Variants in PLA2G4F observed in about 807,000 individuals in gnomAD.
PLA2G4F encodes the protein phospholipase A2 group IVF.
In PLA2G4F, 105 loss-of-function variants were observed where a neutral mutation model predicts 103.1. The observed-to-expected ratio is 1.02, with a 90% CI of 0.87 to 1.20. The LOEUF (loss-of-function observed/expected upper bound fraction) is 1.20, where lower values mean the gene tolerates loss of function less well. Ranked by LOEUF, PLA2G4F falls within the 50% of genes most tolerant of loss-of-function variation. The pLI is 0.00. For synonymous variants in PLA2G4F, 468 were observed against 441.1 expected (o/e 1.06, Z -0.76); for missense variants, 1,155 against 1,075.9 (o/e 1.07, Z -1.03).
chr15:42,153,696 G>T (rs777146420), intron 4 of PLA2G4F, 36 bp from the exon 5 acceptor site: 3 of 1,612,056 alleles, frequency 1.9e-6, no homozygotes, highest in Non-Finnish European at 2.5e-6. Flanking sequence ...ATTTTTTCAA[G>T]GCTCCAAAAG....
Position 42,154,161 on chromosome 15 carries a change from C to A in PLA2G4F, c.381G>T (p.Leu127=). 6.2e-7 allele frequency: 1 copy of A among 1,614,208 alleles called. No individual in the cohort carries two copies. The highest frequency in any genetic ancestry group is 8.5e-7 in the Non-Finnish European group (1 of 1,180,032). ...TGAGGCTTCTCAGGTCAAACAGGAG[C>A]AGAGAGAGCTGGTCGCTGCCCAGGA... The part of the protein sequence containing the change: ...KDILGSDQLS[L]LLFDLRSLKC... Residue 127 remains leucine (L), a synonymous_variant, in exon 4 of 20, where the codon CTG becomes CTT. Coordinates refer to ENST00000397272, the MANE Select transcript of PLA2G4F (RefSeq NM_213600.4).
At chr15:42,153,804 G>T in intron 4 of PLA2G4F, 144 bp from the exon 5 acceptor site, 1 of 898,456 alleles carries the variant, frequency 1.1e-6, no homozygotes, top group Non-Finnish European at 1.7e-6. Context: ...AGGGGCAGTG[G>T]TATCTCCATG....
intron 13 of PLA2G4F, 88 bp from the exon 14 acceptor site, chr15:42,146,329 G>A (rs2048885019): frequency 1.6e-6 from 2 of 1,253,266 alleles, no homozygotes; most frequent in Non-Finnish European, 2.3e-6. Flanking sequence ...TGCAAGGCGT[G>A]GTGTGCCCAC....
At chr15:42,148,511 C>G in intron 11 of PLA2G4F, 1 of 716,378 alleles carries the variant, frequency 1.4e-6, no homozygotes, top group Non-Finnish European at 1.7e-6. Flanking sequence ...TAGAAGTCAG[C>G]AGCCTCCCTC....
At chr15:42,143,132 T>C (rs1467170557) in intron 18 of PLA2G4F, among the ~76,000 whole-genome samples, 1 of 137,898 alleles carries the variant, frequency 7.3e-6, no homozygotes, top group Admixed American at 7.8e-5. Context: ...CGAGCCAAGA[T>C]TGCACCACTG....
chr15:42,142,475 C>T (rs2141124280), intron 19 of PLA2G4F, 53 bp downstream of exon 19: 1 of 1,539,926 alleles, frequency 6.5e-7, no homozygotes, highest in Non-Finnish European at 8.8e-7. Context: ...AACAGCGTCC[C>T]ATCACCATCC....
At chr15:42,147,814 G>A (rs760035866) in intron 11 of PLA2G4F, 52 bp from the exon 12 acceptor site, 38 of 1,605,260 alleles carry the variant, frequency 2.4e-5, no homozygotes, top group Middle Eastern at 3.3e-4. Context: ...CGTCATTGAC[G>A]TATTACTGCC....
Position 42,147,643 on chromosome 15 carries a change from C to T in PLA2G4F, c.1179G>A (p.Gly393=). 6.2e-7 allele frequency: 1 copy of T among 1,614,056 alleles called. No homozygotes were observed. The highest frequency in any genetic ancestry group is 8.5e-7 in the Non-Finnish European group (1 of 1,179,986). The change falls in exon 12 of 20, where the codon GGG becomes GGA. Residue 393 remains glycine (G), a synonymous_variant. Coordinates refer to ENST00000397272, the MANE Select transcript of PLA2G4F (RefSeq NM_213600.4). ...TCACTTACCAGGTAGACCCAGAGAC[C>T]CCACTCAGGTAGGTCACAGTGTCTA... ...GLLDTVTYLS[G]VSGSTWCIST...
intron 11 of PLA2G4F, chr15:42,148,556 G>T (rs781715260): frequency 2.0e-5 from 19 of 931,076 alleles, no homozygotes; most frequent in Non-Finnish European, 2.4e-5. Context: ...CAATGAAATC[G>T]ATCTCTACAC....
At chr15:42,143,663 T>C (rs2048847847) in intron 18 of PLA2G4F, among the ~76,000 whole-genome samples, 1 of 152,180 alleles carries the variant, frequency 6.6e-6, no homozygotes, top group Non-Finnish European at 1.5e-5. Flanking sequence ...AAATCTGTCA[T>C]GAATGGGCAG....
At chr15:42,144,282 TG>T in intron 17 of PLA2G4F, 138 bp from the exon 18 acceptor site, 1 of 1,391,146 alleles carries the variant, frequency 7.2e-7, no homozygotes, top group Non-Finnish European at 9.7e-7. Context: ...CCCAAGCCCT[TG>T]GCCCTGCCTT....
chr15:42,144,325 C>A, intron 17 of PLA2G4F, 125 bp downstream of exon 17: 1 of 1,425,422 alleles, frequency 7.0e-7, no homozygotes, highest in Non-Finnish European at 9.6e-7. Flanking sequence ...AGTCGCTCCG[C>A]ATCAGCCCAT....
Position 42,150,607 on chromosome 15 carries a change from C to A in PLA2G4F, c.771+1G>T, listed in dbSNP as rs765017424. 1 of 1,606,876 alleles carries A rather than the reference C, an allele frequency of 6.2e-7. No individual in the cohort carries two copies. The highest frequency in any genetic ancestry group is 8.5e-7 in the Non-Finnish European group (1 of 1,176,720). ...ACCGACCATCCTGGCGGCGCACTCACCTGCACAGCTGCCAGCAGCTCCATC... is the reference window on the plus strand; with the variant it reads ...ACCGACCATCCTGGCGGCGCACTCAACTGCACAGCTGCCAGCAGCTCCATC... On this transcript the variant is annotated splice_donor_variant, in intron 8 of 19. Transcript: ENST00000397272. LOFTEE classifies it high-confidence loss of function.
chr15:42,147,572 C>T, intron 12 of PLA2G4F, 54 bp downstream of exon 12: 1 of 1,591,724 alleles, frequency 6.3e-7, no homozygotes, highest in Non-Finnish European at 8.6e-7. Flanking sequence ...CAGGTCACAA[C>T]CCCACACTTT....
chr15:42,146,244 G>C lies in PLA2G4F; in HGVS notation c.1420-3C>G. The stretch of plus-strand genomic sequence containing the variant: ...TCAGACAGCTTGGCAGGGTTCTCCT[G>C]GGCAGGAAAGAAGGGAGGCAGCTTG... On this transcript the variant is annotated splice_polypyrimidine_tract_variant and splice_region_variant and intron_variant, in intron 13 of 19. Transcript: ENST00000397272. 1 of 1,613,916 alleles carries C rather than the reference G, an allele frequency of 6.2e-7. No individual in the cohort carries two copies. Among genetic ancestry groups the C allele is most frequent in the South Asian group, 1.1e-5 (1 of 91,076 alleles).
At chr15:42,154,954 C>T (rs987056570) in intron 2 of PLA2G4F, among the ~76,000 whole-genome samples, 1 of 151,992 alleles carries the variant, frequency 6.6e-6, no homozygotes, top group Non-Finnish European at 1.5e-5. Flanking sequence ...CACACACACT[C>T]TTGCACTCAT....
intron 18 of PLA2G4F, among the ~76,000 whole-genome samples, chr15:42,142,973 G>T (rs532870172): frequency 6.6e-6 from 1 of 152,090 alleles, no homozygotes; most frequent in Admixed American, 6.5e-5. Flanking sequence ...GAGGTCAAGA[G>T]ATCAAGACCA....
chr15:42,144,221 C>G, intron 17 of PLA2G4F, 77 bp from the exon 18 acceptor site: 1 of 1,499,420 alleles, frequency 6.7e-7, no homozygotes. Flanking sequence ...TTTGCATTCA[C>G]GTTTGCCTTC....
rs553382495 is a variant in PLA2G4F at position 42,145,582 on chromosome 15, A to G, written c.1773T>C (p.Asn591=). 5.0e-5 allele frequency: 80 copies of G among 1,613,942 alleles called. 2 individuals carry two copies. The South Asian group carries it at 8.3e-4, about 17-fold the overall frequency. Residue 591 remains asparagine, a synonymous_variant, in exon 16 of 20, where the codon AAT becomes AAC. Transcript: ENST00000397272. ...CGGGGTCGCTACCCTCACCTGTGAT[A>G]TTCACACTGCCTCTGTACCACTCCA... ...SFLEWYRGSV[N]ITDDCQKPQL...
Sources: allele counts gnomAD v4.1 joint callset (sites outside exome capture counted in the v4.1 genomes callset), GRCh38; gene constraint gnomAD v4.1.1; transcripts MANE v1.5; gene names NCBI Gene and HGNC (gene_info 2026-07-23, HGNC 2026-07-21).